Variants in TBRG4 observed in about 807,000 individuals in gnomAD.
TBRG4 encodes the protein FAST kinase domain-containing protein 4.
TBRG4 carries 43 observed loss-of-function variants against 65.6 expected under a neutral mutation model. The observed-to-expected ratio is 0.66, with a 90% CI of 0.51 to 0.85. The LOEUF (loss-of-function observed/expected upper bound fraction) is 0.85, where lower values mean the gene tolerates loss of function less well. TBRG4 is among the 40% of genes least tolerant of loss of function. The probability of loss-of-function intolerance (pLI) is 0.00; values close to 1 mark genes in which losing one functional copy is unlikely to be tolerated. For synonymous variants in TBRG4, 366 were observed against 341.4 expected, an observed-to-expected ratio of 1.07 and a Z score of -0.79; for missense variants, 709 against 787.9, an observed-to-expected ratio of 0.90 and a Z score of 1.20.
Position 45,105,476 on chromosome 7 carries a change from G to C in TBRG4, c.700C>G (p.Leu234Val). 6.2e-7 allele frequency: 1 copy of C among 1,612,450 alleles called. No homozygotes were observed. Among genetic ancestry groups the C allele is most frequent in the Non-Finnish European group, 8.5e-7 (1 of 1,178,804 alleles). The change falls in exon 3 of 11, where the codon CTC becomes GTC. Residue 234 changes from leucine (L) to valine (V), a missense_variant. By Grantham distance (32) the Leu-to-Val change is conservative (BLOSUM62 1). Transcript: ENST00000258770. Reference sequence around the variant, plus strand: ...AGGCGGTTCATTAGTGGCTCCGAGAGGTGTCCCACCTTCATCATGACGGTC... The same window carrying C: ...AGGCGGTTCATTAGTGGCTCCGAGACGTGTCCCACCTTCATCATGACGGTC... Reference protein sequence around the residue: ...LVTVMMKVGHLSEPLMNRLED... With the variant: ...LVTVMMKVGHVSEPLMNRLED...
intron 3 of TBRG4, chr7:45,105,140 GCC>G: frequency 1.5e-6 from 1 of 649,048 alleles, no homozygotes; most frequent in Non-Finnish European, 2.8e-6. Flanking sequence ...TGCCTGCCAT[GCC>G]CCCCTCTCAA....
chr7:45,108,728 G>T lies in TBRG4; in HGVS notation c.411+99C>A, dbSNP rs189342372. 17 of 931,174 alleles carry T rather than the reference G, an allele frequency of 1.8e-5. No homozygotes were observed. In the Admixed American group the frequency reaches 1.9e-4, roughly 11 times the overall value. 57.7% of individuals were successfully genotyped at this position (931,174 alleles called of 1,614,324 possible). A position where few individuals can be genotyped will look rare whatever the true frequency, so the allele number is the denominator to read the frequency against. ...TAAAAAATATCACAAGAGATGCAAG[G>T]CCCCTGTCTATGCTTGGTAAGCACT... On this transcript the variant is annotated intron_variant, in intron 2 of 10. Coordinates refer to ENST00000258770, the MANE Select transcript of TBRG4 (RefSeq NM_004749.4).
chr7:45,102,024 G>A lies in TBRG4; in HGVS notation c.1368C>T (p.His456=). 6.4e-7 allele frequency: 1 copy of A among 1,565,912 alleles called. No homozygotes were observed. Among genetic ancestry groups the A allele is most frequent in the Non-Finnish European group, 8.6e-7 (1 of 1,161,108 alleles). ...KDQNTFQKLL[H]INATALLEYP... ...ACTCCAGCAGGGCAGTGGCGTTGAT[G>A]TGGAGCAGCTTCTGGAAGGTGTTCT... The change falls in exon 8 of 11, where the codon CAC becomes CAT. Residue 456 remains histidine, a synonymous_variant. Transcript: ENST00000258770.
intron 3 of TBRG4, 156 bp from the exon 4 acceptor site, chr7:45,104,865 C>A: frequency 8.4e-7 from 1 of 1,190,058 alleles, no homozygotes; most frequent in South Asian, 1.3e-5. Context: ...CTGTGCAGGG[C>A]CTGCCTCCTC....
intron 6 of TBRG4, 37 bp from the exon 7 acceptor site, chr7:45,102,528 C>T (rs779555496): frequency 2.5e-6 from 4 of 1,595,866 alleles, no homozygotes; most frequent in South Asian, 2.2e-5. Context: ...AAAGCAGGCT[C>T]TCCTTAGGGG....
chr7:45,108,075 C>A (rs901955630), intron 2 of TBRG4, among the ~76,000 whole-genome samples: 7 of 152,238 alleles, frequency 4.6e-5, no homozygotes, highest in African/African-American at 1.7e-4. Flanking sequence ...TTATAACCTG[C>A]AGTTTGAAAA....
At chr7:45,106,201 C>G (rs1456333035) in intron 2 of TBRG4, 1 of 386,844 alleles carries the variant, frequency 2.6e-6, no homozygotes, top group African/African-American at 2.1e-5. Context: ...CATTTCTGCT[C>G]AAGGTGGCTG....
chr7:45,111,608 T>C (rs1785128507), intron 1 of TBRG4, 35 bp downstream of exon 1: 1 of 1,289,244 alleles, frequency 7.8e-7, no homozygotes, highest in East Asian at 5.6e-5. Flanking sequence ...AAACCCACGA[T>C]CAGCCGCCCC....
At chr7:45,104,808 T>G (rs1332842584) in intron 3 of TBRG4, 99 bp from the exon 4 acceptor site, 14 of 1,526,682 alleles carry the variant, frequency 9.2e-6, no homozygotes, top group Non-Finnish European at 1.2e-5. Flanking sequence ...GCAGCCCCTG[T>G]GACAGCCCCT....
At chr7:45,109,486 CAA>C (rs1353137311) in intron 1 of TBRG4, among the ~76,000 whole-genome samples, 199 bp from the exon 2 acceptor site, 5 of 152,208 alleles carry the variant, frequency 3.3e-5, no homozygotes, top group African/African-American at 9.7e-5. Context: ...CATCAAATAT[CAA>C]AACTCAGGAA....
chr7:45,102,121 G>A, intron 7 of TBRG4, 51 bp from the exon 8 acceptor site: 1 of 1,547,154 alleles, frequency 6.5e-7, no homozygotes. Context: ...CCAGAGATGG[G>A]GAGACCCTGA....
chr7:45,111,277 G>A (rs1354872822), intron 1 of TBRG4: 1 of 158,926 alleles, frequency 6.3e-6, no homozygotes, highest in Non-Finnish European at 1.4e-5. Flanking sequence ...AGAGCCCTAA[G>A]AGCAGTTTAG....
intron 2 of TBRG4, chr7:45,106,388 G>A (rs1784956602): frequency 5.8e-6 from 1 of 173,134 alleles, no homozygotes; most frequent in African/African-American, 2.4e-5. Context: ...AAGTAAAGCT[G>A]TCAAATCAAT....
intron 2 of TBRG4, chr7:45,107,409 T>C (rs1784993235): frequency 6.6e-6 from 1 of 152,236 alleles, no homozygotes; most frequent in South Asian, 2.1e-4. Flanking sequence ...TCAACATGGG[T>C]GGCTCTAGAG....
intron 2 of TBRG4, chr7:45,106,847 C>T (rs1253046350): frequency 6.6e-6 from 1 of 152,168 alleles, no homozygotes; most frequent in Non-Finnish European, 1.5e-5. Flanking sequence ...AAGCTCCAAC[C>T]CCTAAACTGT....
chr7:45,104,480 G>A (rs754211946), intron 4 of TBRG4, 58 bp downstream of exon 4: 1 of 1,612,446 alleles, frequency 6.2e-7, no homozygotes, highest in South Asian at 1.1e-5. Context: ...TGACACGGCT[G>A]CAGGCATCTG....
At chr7:45,104,756 C>T (rs1784884168) in intron 3 of TBRG4, 47 bp from the exon 4 acceptor site, 1 of 1,598,250 alleles carries the variant, frequency 6.3e-7, no homozygotes, top group Non-Finnish European at 8.5e-7. Context: ...CCTGGGGTGG[C>T]AGAGATGAGC....
chr7:45,111,695 C>T lies in TBRG4; in HGVS notation c.-103G>A, dbSNP rs1459452097. On this transcript the variant is annotated 5_prime_UTR_variant, in exon 1 of 11. An upstream start codon of the reference 5' UTR is lost. Transcript: ENST00000258770. ...CCGCCGCCCTAACTGTCCCCGGAAC[C>T]ATGAGGTGCGCGGCGCGCTTCCCTA... 1.6e-6 allele frequency: 2 copies of T among 1,289,244 alleles called. No individual in the cohort carries two copies. Among genetic ancestry groups the T allele is most frequent in the Non-Finnish European group, 2.0e-6 (2 of 988,846 alleles). The allele number at this position is 1,289,244 out of a possible 1,614,324, so 79.9% of individuals were successfully genotyped here.
At chr7:45,103,246 G>T in intron 6 of TBRG4, 87 bp downstream of exon 6, 2 of 1,137,158 alleles carry the variant, frequency 1.8e-6, no homozygotes, top group Non-Finnish European at 2.6e-6. Context: ...CCTCCACCTA[G>T]CCCGAGCTGA....
Sources: allele counts gnomAD v4.1 joint callset (sites outside exome capture counted in the v4.1 genomes callset), GRCh38; gene constraint gnomAD v4.1.1; transcripts MANE v1.5; gene names NCBI Gene and HGNC (gene_info 2026-07-23, HGNC 2026-07-21).